Variants in SPAG9 observed in about 807,000 individuals in gnomAD.
SPAG9 encodes sperm associated antigen 9, also known as C-Jun-amino-terminal kinase-interacting protein 4.
SPAG9 carries 35 observed loss-of-function variants against 166.5 expected under a neutral mutation model. The observed-to-expected ratio is 0.21, with a 90% CI of 0.16 to 0.28. The LOEUF (loss-of-function observed/expected upper bound fraction) is 0.28, where lower values mean the gene tolerates loss of function less well. Among genes scored for constraint, SPAG9 ranks in the 10% least tolerant of loss-of-function variants. The pLI, the probability that SPAG9 is intolerant of heterozygous loss-of-function variation, is 1.00. For missense variants in SPAG9, 1,235 were observed against 1,603.3 expected (o/e 0.77, Z 3.92); for synonymous variants, 534 against 565.5 (o/e 0.94, Z 0.79).
At chr17:51,053,854 AGTATATATATATAT>A (rs1452339357) in intron 3 of SPAG9, among the ~76,000 whole-genome samples, 2,423 of 34,398 alleles carry the variant, frequency 0.07, 63 homozygotes, top group Non-Finnish European at 0.081. Flanking sequence ...AAAAAAAAAA[AGTATATATATATAT>A]ATATATATAT....
At chr17:50,990,324 G>A (rs564072041) in intron 20 of SPAG9, 126 bp downstream of exon 20, 50 of 784,436 alleles carry the variant, frequency 6.4e-5, no homozygotes, top group East Asian at 4.8e-4. Context: ...CACCACGCCC[G>A]GCCTACAGTA....
At chr17:51,080,734 A>G (rs568264976) in intron 1 of SPAG9, among the ~76,000 whole-genome samples, 15 of 152,098 alleles carry the variant, frequency 9.9e-5, no homozygotes, top group Non-Finnish European at 2.1e-4. Context: ...TACAAAAATT[A>G]GCTGGGCATG....
chr17:51,110,902 G>C (rs8067290), intron 1 of SPAG9, among the ~76,000 whole-genome samples: 1 of 151,882 alleles, frequency 6.6e-6, no homozygotes, highest in Non-Finnish European at 1.5e-5. Context: ...GGCAGATCAC[G>C]AGGTCAGATT....
At chr17:51,047,245 T>C (rs1427022751) in intron 4 of SPAG9, 130 bp downstream of exon 4, 2 of 597,206 alleles carry the variant, frequency 3.3e-6, no homozygotes, top group Non-Finnish European at 5.7e-6. Context: ...TCCTGCAGCA[T>C]TCCAACCACA....
At chr17:50,973,585 G>C (rs546795398) in intron 28 of SPAG9, among the ~76,000 whole-genome samples, 1 of 152,232 alleles carries the variant, frequency 6.6e-6, no homozygotes, top group East Asian at 1.9e-4. Flanking sequence ...GGGAAAATAA[G>C]TATGATGAGT....
rs60896400 is a variant in SPAG9 at position 51,101,345 on chromosome 17, C to CAA, written c.303+19007_303+19008dup. On this transcript the variant is annotated intron_variant, in intron 1 of 29. Transcript: ENST00000262013. ...TGAGTGACACTGTGAGATTCTGTCT[C>CAA]AAAAAAAAAAAAAAAAAAAAAAAAA... Among the ~76,000 whole-genome samples the CAA allele has an allele frequency of 5.4e-4, 50 of 91,972 alleles. No homozygotes were observed. The East Asian group carries it at 5.9e-3, about 11-fold the overall frequency. The allele number at this position is 91,972 out of a possible 152,430, so 60.3% of individuals were successfully genotyped here. A position where few individuals can be genotyped will look rare whatever the true frequency, so the allele number is the denominator to read the frequency against.
At chr17:51,054,674 G>A (rs1383895662) in intron 3 of SPAG9, among the ~76,000 whole-genome samples, 1 of 151,862 alleles carries the variant, frequency 6.6e-6, no homozygotes, top group Non-Finnish European at 1.5e-5. Flanking sequence ...CTCACCTCAT[G>A]ATCCACCCAC....
chr17:51,107,053 G>C (rs557618487), intron 1 of SPAG9, among the ~76,000 whole-genome samples: 63 of 149,228 alleles, frequency 4.2e-4, no homozygotes, highest in African/African-American at 1.5e-3. Context: ...AGCGAGCCAA[G>C]ATCCCGCCAC....
chr17:51,029,141 T>C (rs2046297464), intron 6 of SPAG9, among the ~76,000 whole-genome samples: 1 of 152,042 alleles, frequency 6.6e-6, no homozygotes. Context: ...GAAGTGCATA[T>C]AAAAGAATGG....
At chr17:51,011,730 C>A (rs2045493866) in intron 9 of SPAG9, among the ~76,000 whole-genome samples, 1 of 152,080 alleles carries the variant, frequency 6.6e-6, no homozygotes, top group Non-Finnish European at 1.5e-5. Flanking sequence ...TCATAAGTAA[C>A]TAAACTTACA....
chr17:51,020,292 T>C (rs1471324237), intron 7 of SPAG9, 34 bp from the exon 8 acceptor site: 10 of 1,352,512 alleles, frequency 7.4e-6, no homozygotes, highest in South Asian at 2.4e-5. Flanking sequence ...AAACAATACA[T>C]ATATTACACA....
intron 1 of SPAG9, among the ~76,000 whole-genome samples, chr17:51,100,833 C>T (rs1011953382): frequency 1.3e-5 from 2 of 151,466 alleles, no homozygotes; most frequent in Non-Finnish European, 2.9e-5. Context: ...GCAAGAGAAT[C>T]GCTTGAACCT....
chr17:51,023,821 T>G (rs987721536), intron 6 of SPAG9, among the ~76,000 whole-genome samples: 4 of 152,100 alleles, frequency 2.6e-5, no homozygotes, highest in Non-Finnish European at 5.9e-5. Context: ...TGCGTCACCA[T>G]GCCCCACTAA....
At chr17:51,022,917 G>A (rs1277554486) in intron 6 of SPAG9, among the ~76,000 whole-genome samples, 1 of 144,128 alleles carries the variant, frequency 6.9e-6, no homozygotes, top group Non-Finnish European at 1.5e-5. Flanking sequence ...ATCCAGTCTG[G>A]GCAACAAGAG....
chr17:51,042,621 C>T (rs2046882317), intron 4 of SPAG9: 1 of 152,120 alleles, frequency 6.6e-6, no homozygotes, highest in African/African-American at 2.4e-5. Flanking sequence ...TTCAGTTTTG[C>T]TAAGTAAGTC....
intron 29 of SPAG9, 146 bp downstream of exon 29, chr17:50,970,560 AC>A: frequency 1.6e-6 from 1 of 613,830 alleles, no homozygotes; most frequent in Non-Finnish European, 2.6e-6. Context: ...AAAACAAAAA[AC>A]AAAAACCCAC....
In SPAG9 at chr17:51,040,049, A is replaced by G. The variant is rs543501510; in HGVS notation, c.741+1452T>C. On this transcript the variant is annotated intron_variant, in intron 5 of 29. Coordinates refer to ENST00000262013, the MANE Select transcript of SPAG9 (RefSeq NM_001130528.3). Reference sequence around the variant, plus strand: ...CAGGAGTTCGAGGTCAGCCTGACCAACATGGTGAAACTCTGTCTCTATTAA... The same window carrying G: ...CAGGAGTTCGAGGTCAGCCTGACCAGCATGGTGAAACTCTGTCTCTATTAA... Among the ~76,000 whole-genome samples, 6 of 152,144 alleles carry G rather than the reference A, an allele frequency of 3.9e-5. 1 individual carries two copies. Among genetic ancestry groups the G allele is most frequent in the Non-Finnish European group, 8.8e-5 (6 of 68,024 alleles).
At chr17:51,103,081 T>C (rs1385168294) in intron 1 of SPAG9, among the ~76,000 whole-genome samples, 1 of 152,198 alleles carries the variant, frequency 6.6e-6, no homozygotes, top group Non-Finnish European at 1.5e-5. Flanking sequence ...AGTCATGGTT[T>C]TTCTGTATAT....
chr17:51,062,553 T>C (rs2047545468), intron 2 of SPAG9, among the ~76,000 whole-genome samples: 1 of 152,162 alleles, frequency 6.6e-6, no homozygotes, highest in Admixed American at 6.6e-5. Context: ...GATTGGCTTC[T>C]TTCACTTAGT....
Sources: gnomAD v4.1 joint callset for allele counts (sites outside exome capture counted in the v4.1 genomes callset) on GRCh38, gnomAD v4.1.1 for gene constraint, MANE v1.5 for transcripts, NCBI Gene and HGNC (gene_info 2026-07-23, HGNC 2026-07-21) for gene names.